The following NCKAP5 variants were observed in gnomAD, a reference collection of about 807,000 sequenced individuals.
NCKAP5 encodes nck-associated protein 5.
In NCKAP5, 92 loss-of-function variants were observed where a neutral mutation model predicts 167.0. The observed-to-expected ratio is 0.55, with a 90% CI of 0.47 to 0.66. NCKAP5 has a LOEUF of 0.66. Among genes scored for constraint, NCKAP5 ranks in the 30% least tolerant of loss-of-function variants. NCKAP5 has a pLI of 0.00. For missense variants in NCKAP5, 2,378 were observed against 2,315.0 expected (o/e 1.03, Z -0.56); for synonymous variants, 891 against 877.4 (o/e 1.02, Z -0.27).
intron 11 of NCKAP5, among the ~76,000 whole-genome samples, chr2:132,804,424 TTATC>T (rs1157689065): frequency 6.6e-6 from 1 of 151,810 alleles, no homozygotes; most frequent in Non-Finnish European, 1.5e-5. Flanking sequence ...TTTTGTAAAA[TTATC>T]TACACTGCAT....
At chr2:132,967,129 A>G (rs1209149099) in intron 7 of NCKAP5, among the ~76,000 whole-genome samples, 1 of 150,618 alleles carries the variant, frequency 6.6e-6, no homozygotes, top group Non-Finnish European at 1.5e-5. Context: ...CAAATGCAGA[A>G]TCTGCAAATA....
In NCKAP5 at chr2:132,789,965, C is replaced by T. The variant is rs73957684; in HGVS notation, c.1092+58G>A. 248 of 1,512,608 alleles carry T rather than the reference C, an allele frequency of 1.6e-4. 3 individuals are homozygous for T. In the South Asian group the frequency reaches 3.1e-3, roughly 19 times the overall value. The allele number at this position is 1,512,608 out of a possible 1,614,324, so 93.7% of individuals were successfully genotyped here. On this transcript the variant is annotated intron_variant, in intron 13 of 19. Transcript: ENST00000409261. ...TCCCACCTGCCCTTCATCTCCATGA[C>T]CAAATCCTACCAGAAGAGGATTCTT...
At chr2:133,500,959 A>T (rs139588962) in intron 3 of NCKAP5, among the ~76,000 whole-genome samples, 2 of 152,330 alleles carry the variant, frequency 1.3e-5, no homozygotes, top group Non-Finnish European at 2.9e-5. Context: ...TACTGGGAAC[A>T]CTTTGATGGC....
intron 3 of NCKAP5, among the ~76,000 whole-genome samples, chr2:133,459,899 G>A (rs915692619): frequency 2.6e-5 from 4 of 151,952 alleles, no homozygotes; most frequent in Admixed American, 2.0e-4. Flanking sequence ...GGAATGAAAT[G>A]TTCCTACTTT....
At chr2:133,674,440 T>C in the NCKAP5 span, among the ~76,000 whole-genome samples, 1 of 152,172 alleles carries the variant, frequency 6.6e-6, no homozygotes, top group African/African-American at 2.4e-5. Flanking sequence ...TTTAAAAATG[T>C]ACCATCCTGA....
chr2:133,050,640 A>G (rs1286815390), intron 6 of NCKAP5, among the ~76,000 whole-genome samples: 1 of 152,220 alleles, frequency 6.6e-6, no homozygotes, highest in Non-Finnish European at 1.5e-5. Context: ...CACATTATCA[A>G]TGCTGCTATT....
intron 19 of NCKAP5, among the ~76,000 whole-genome samples, chr2:132,693,567 A>G (rs1470778949): frequency 6.7e-6 from 1 of 149,686 alleles, no homozygotes; most frequent in African/African-American, 2.4e-5. Context: ...CCTGGATTTC[A>G]GACGTCTAGG....
intron 8 of NCKAP5, among the ~76,000 whole-genome samples, chr2:132,887,114 G>T (rs1215853114): frequency 1.3e-5 from 2 of 152,064 alleles, no homozygotes; most frequent in East Asian, 1.9e-4. Context: ...GTATCTTGCG[G>T]CAAGGTACTT....
At chr2:133,535,363 C>T (rs1212790656) in intron 2 of NCKAP5, among the ~76,000 whole-genome samples, 2 of 151,928 alleles carry the variant, frequency 1.3e-5, no homozygotes, top group East Asian at 3.9e-4. Context: ...TTGTTTAACT[C>T]CTGCTTTTAA....
chr2:133,148,099 G>C (rs2083264607), intron 5 of NCKAP5, among the ~76,000 whole-genome samples: 1 of 152,054 alleles, frequency 6.6e-6, no homozygotes. Context: ...TGTTTTTCAA[G>C]ATCAAATAAA....
intron 5 of NCKAP5, 121 bp from the exon 6 acceptor site, chr2:133,130,232 C>A: frequency 6.5e-6 from 7 of 1,084,868 alleles, no homozygotes; most frequent in Non-Finnish European, 7.7e-6. Flanking sequence ...TGAACAACCC[C>A]ACGAAGTAGG....
rs546132604 is a variant in NCKAP5, at chr2:132,895,060, A to G, written c.580-16144T>C. On this transcript the variant is annotated intron_variant, in intron 8 of 19. Transcript: ENST00000409261. ...AAAAATCGAAATAAGGGCCGGGCGC[A>G]GTGGCTCACATCTGTAATCCCAGCA... 3.3e-4 allele frequency among the ~76,000 whole-genome samples: 51 copies of G among 152,282 alleles called. No individual in the cohort carries two copies. In the South Asian group the frequency reaches 4.1e-3, roughly 12 times the overall value.
intron 4 of NCKAP5, among the ~76,000 whole-genome samples, chr2:133,228,131 G>T (rs925496652): frequency 1.3e-5 from 2 of 152,196 alleles, no homozygotes; most frequent in Admixed American, 6.5e-5. Flanking sequence ...TGACCTGGGA[G>T]CAGGGTCATA....
At chr2:133,546,988 T>C (rs1457081755) in intron 2 of NCKAP5, among the ~76,000 whole-genome samples, 1 of 151,912 alleles carries the variant, frequency 6.6e-6, no homozygotes, top group East Asian at 1.9e-4. Context: ...CACTAGGGAG[T>C]GCCAGACAGT....
At chr2:133,212,653 C>A (rs1190559786) in intron 5 of NCKAP5, among the ~76,000 whole-genome samples, 1 of 152,230 alleles carries the variant, frequency 6.6e-6, no homozygotes, top group East Asian at 1.9e-4. Flanking sequence ...CAGGCGTGAG[C>A]CACCACACCC....
At chr2:133,658,188 C>G in the NCKAP5 span, among the ~76,000 whole-genome samples, 1 of 151,732 alleles carries the variant, frequency 6.6e-6, no homozygotes, top group South Asian at 2.1e-4. Flanking sequence ...AAGGAAACAC[C>G]TACTTAAGGT....
chr2:132,965,904 TTGTGTGTGTGTGTGTG>T (rs60589235), intron 7 of NCKAP5, among the ~76,000 whole-genome samples: 4 of 140,870 alleles, frequency 2.8e-5, no homozygotes, highest in Non-Finnish European at 4.7e-5. Flanking sequence ...ACATGACTCT[TTGTGTGTGTGTGTGTG>T]TGTGTGTGTG....
At chr2:132,774,791 C>T (rs1210806032) in intron 15 of NCKAP5, among the ~76,000 whole-genome samples, 1 of 152,196 alleles carries the variant, frequency 6.6e-6, no homozygotes, top group African/African-American at 2.4e-5. Context: ...CACGTAAGAT[C>T]TCAAAATCCT....
At chr2:133,546,479 T>C (rs1310575720) in intron 2 of NCKAP5, among the ~76,000 whole-genome samples, 3 of 152,116 alleles carry the variant, frequency 2.0e-5, no homozygotes, top group Non-Finnish European at 2.9e-5. Flanking sequence ...TTACCAGATA[T>C]ACAAGCTGCG....
Sources: gnomAD v4.1 joint callset for allele counts (sites outside exome capture counted in the v4.1 genomes callset) on GRCh38, gnomAD v4.1.1 for gene constraint, MANE v1.5 for transcripts, NCBI Gene and HGNC (gene_info 2026-07-23, HGNC 2026-07-21) for gene names.